CDK14: variants seen among roughly 807,000 people sequenced by gnomAD.
The protein encoded by CDK14 is cyclin-dependent kinase 14.
Under a neutral mutation model 60.7 loss-of-function variants are expected in CDK14, and 34 were observed. That is an observed-to-expected ratio of 0.56 (90% CI 0.43 to 0.75). The LOEUF is 0.75. CDK14 is among the 30% of genes least tolerant of loss of function. The pLI is 0.00. For synonymous variants in CDK14, 197 were observed against 203.7 expected, an observed-to-expected ratio of 0.97 and a Z score of 0.28; for missense variants, 482 against 564.1, an observed-to-expected ratio of 0.85 and a Z score of 1.47.
At chr7:91,161,228 G>A (rs552810505) in intron 14 of CDK14, among the ~76,000 whole-genome samples, 6 of 152,252 alleles carry the variant, frequency 3.9e-5, no homozygotes, top group African/African-American at 7.2e-5. Flanking sequence ...GGGAGTAGAC[G>A]GAGAGGATTC....
intron 13 of CDK14, among the ~76,000 whole-genome samples, chr7:91,113,739 C>A (rs1174857750): frequency 1.3e-5 from 2 of 152,072 alleles, no homozygotes; most frequent in Non-Finnish European, 2.9e-5. Flanking sequence ...ATATTGGATT[C>A]TCCTTGATGG....
intron 4 of CDK14, among the ~76,000 whole-genome samples, chr7:90,772,888 A>G (rs1331814534): frequency 6.6e-6 from 1 of 152,200 alleles, no homozygotes; most frequent in Non-Finnish European, 1.5e-5. Context: ...GTTCTTGGGA[A>G]AAATTTACAT....
chr7:90,852,652 C>T (rs746396101), intron 5 of CDK14, among the ~76,000 whole-genome samples: 5 of 152,234 alleles, frequency 3.3e-5, no homozygotes, highest in South Asian at 2.1e-4. Context: ...TGGCCAAGCA[C>T]GGTTATTAGC....
intron 6 of CDK14, among the ~76,000 whole-genome samples, chr7:90,889,497 A>T (rs1003886407): frequency 2.0e-5 from 3 of 152,244 alleles, no homozygotes; most frequent in Non-Finnish European, 4.4e-5. Context: ...AGACAGAATT[A>T]TGGGACATGT....
chr7:90,926,150 A>C (rs1793408968), intron 8 of CDK14, among the ~76,000 whole-genome samples: 1 of 152,142 alleles, frequency 6.6e-6, no homozygotes, highest in Non-Finnish European at 1.5e-5. Context: ...TGGCACATGC[A>C]TGGCTAGTTC....
At chr7:90,738,809 A>G (rs1433439544) in intron 3 of CDK14, among the ~76,000 whole-genome samples, 1 of 152,206 alleles carries the variant, frequency 6.6e-6, no homozygotes, top group Non-Finnish European at 1.5e-5. Flanking sequence ...ATCTTTATTT[A>G]AATGTGATGA....
intron 5 of CDK14, among the ~76,000 whole-genome samples, chr7:90,855,461 G>T (rs916153701): frequency 1.3e-5 from 2 of 152,082 alleles, no homozygotes; most frequent in East Asian, 1.9e-4. Context: ...TAGTATAAAA[G>T]CAATATATCT....
chr7:90,663,394 T>A (rs1054695120), intron 2 of CDK14, among the ~76,000 whole-genome samples: 3 of 152,112 alleles, frequency 2.0e-5, no homozygotes, highest in Non-Finnish European at 4.4e-5. Flanking sequence ...AATGGATGAG[T>A]CTTAGCACAG....
intron 2 of CDK14, chr7:90,631,992 T>G (rs1226115512): frequency 6.6e-6 from 1 of 151,714 alleles, no homozygotes; most frequent in Non-Finnish European, 1.5e-5. Flanking sequence ...CCAAAAATGC[T>G]TCTCAGAATA....
rs200001697 is a variant in CDK14, at chr7:90,703,016, T to TG, written c.124-23551_124-23550insG. Among the ~76,000 whole-genome samples, 809 of 151,134 alleles carry TG rather than the reference T, an allele frequency of 5.4e-3. 8 individuals are homozygous for TG. The highest frequency in any genetic ancestry group is 0.017 in the African/African-American group (705 of 41,292). ...ATATGTTTTCTGTTGTTGTTGTTGT[T>TG]TTGTTTTTTTTTTCCTTTTCAGAGT... On this transcript the variant is annotated intron_variant, in intron 2 of 14. Coordinates refer to ENST00000380050, the MANE Select transcript of CDK14 (RefSeq NM_001287135.2).
chr7:90,812,533 G>C (rs1789170772), intron 5 of CDK14, among the ~76,000 whole-genome samples: 1 of 151,982 alleles, frequency 6.6e-6, no homozygotes, highest in Non-Finnish European at 1.5e-5. Context: ...CGAGTTGCTG[G>C]GTGCAGCACA....
At chr7:91,016,011 G>A (rs1274115291) in intron 10 of CDK14, among the ~76,000 whole-genome samples, 1 of 151,988 alleles carries the variant, frequency 6.6e-6, no homozygotes, top group Non-Finnish European at 1.5e-5. Flanking sequence ...GAGAACATTG[G>A]CTTTTCAGAT....
intron 14 of CDK14, among the ~76,000 whole-genome samples, chr7:91,176,142 A>G (rs1801744143): frequency 6.6e-6 from 1 of 151,748 alleles, no homozygotes; most frequent in African/African-American, 2.4e-5. Flanking sequence ...ACTAGAACTC[A>G]GGATTAAGAA....
rs766767747 is a variant in CDK14 at position 91,079,515 on chromosome 7, C to T, written c.1154+35C>T. On this transcript the variant is annotated intron_variant, in intron 12 of 14. Coordinates refer to ENST00000380050, the MANE Select transcript of CDK14 (RefSeq NM_001287135.2). ...TATACAGATTGTGCTCATTCTCTTTCTTTCTCTTTTAATATTTACAACTCT... is the reference window on the plus strand; with the variant it reads ...TATACAGATTGTGCTCATTCTCTTTTTTTCTCTTTTAATATTTACAACTCT... 17 of 1,439,240 alleles carry T rather than the reference C, an allele frequency of 1.2e-5. No individual in the cohort carries two copies. In the East Asian group the frequency reaches 2.5e-4, roughly 21 times the overall value. The allele number at this position is 1,439,240 out of a possible 1,614,324, so 89.2% of individuals were successfully genotyped here. A position where few individuals can be genotyped will look rare whatever the true frequency, so the allele number is the denominator to read the frequency against.
intron 2 of CDK14, chr7:90,709,476 C>T: frequency 1.3e-6 from 2 of 1,588,914 alleles, no homozygotes; most frequent in Non-Finnish European, 1.7e-6. Flanking sequence ...TCTTCTGAAG[C>T]AGCCCTGCAT....
At chr7:91,156,981 C>T (rs1028198022) in intron 14 of CDK14, among the ~76,000 whole-genome samples, 5 of 152,140 alleles carry the variant, frequency 3.3e-5, no homozygotes, top group Admixed American at 1.3e-4. Flanking sequence ...TTGTGCATTA[C>T]ATGTCTCTAG....
chr7:90,995,203 C>T (rs140837412), intron 10 of CDK14, among the ~76,000 whole-genome samples: 1 of 152,252 alleles, frequency 6.6e-6, no homozygotes, highest in African/African-American at 2.4e-5. Context: ...CCTCTCTTAC[C>T]GGCTCGCTCT....
At chr7:91,029,612 C>CCTCTCCTCT (rs1796698398) in intron 10 of CDK14, among the ~76,000 whole-genome samples, 2 of 88,538 alleles carry the variant, frequency 2.3e-5, no homozygotes, top group Non-Finnish European at 2.6e-5. Flanking sequence ...TCCTCTCCTC[C>CCTCTCCTCT]GCTCCCCACT....
intron 4 of CDK14, among the ~76,000 whole-genome samples, chr7:90,766,507 T>G (rs930667044): frequency 1.3e-5 from 2 of 152,230 alleles, no homozygotes; most frequent in African/African-American, 4.8e-5. Context: ...CCATAAAGTT[T>G]GAGTAATTTG....
Sources: allele counts gnomAD v4.1 joint callset (sites outside exome capture counted in the v4.1 genomes callset), GRCh38; gene constraint gnomAD v4.1.1; transcripts MANE v1.5; gene names NCBI Gene and HGNC (gene_info 2026-07-23, HGNC 2026-07-21).